RYR3: variants seen among roughly 807,000 people sequenced by gnomAD.
RYR3 encodes brain ryanodine receptor-calcium release channel.
A neutral mutation model predicts 584.3 loss-of-function variants in RYR3; 207 were observed. The observed-to-expected ratio is 0.35, with a 90% CI of 0.32 to 0.40. The LOEUF (loss-of-function observed/expected upper bound fraction) is 0.40, where lower values mean the gene tolerates loss of function less well. RYR3 is among the 10% of genes least tolerant of loss of function. RYR3 has a pLI of 1.00. For missense variants in RYR3, 5,616 were observed against 6,089.2 expected (o/e 0.92, Z 2.59); for synonymous variants, 2,416 against 2,248.5 (o/e 1.07, Z -2.11).
intron 2 of RYR3, among the ~76,000 whole-genome samples, chr15:33,483,730 T>C (rs1436611771): frequency 2.0e-5 from 3 of 152,240 alleles, no homozygotes; most frequent in African/African-American, 7.2e-5. Flanking sequence ...ATATAGCTTA[T>C]GAGTTGGCAA....
At chr15:33,694,314 A>C (rs183531263) in intron 38 of RYR3, among the ~76,000 whole-genome samples, 1 of 150,350 alleles carries the variant, frequency 6.7e-6, no homozygotes, top group African/African-American at 2.5e-5. Flanking sequence ...GTGCAATCTC[A>C]GCTCACTGCA....
Position 33,647,434 on chromosome 15 carries a change from C to G in RYR3, c.3952C>G (p.Gln1318Glu), listed in dbSNP as rs370044621. 1.9e-6 allele frequency: 3 copies of G among 1,607,572 alleles called. No homozygotes were observed. The African/African-American group carries it at 4.0e-5, about 21-fold the overall frequency. Residue 1318 changes from glutamine (Q) to glutamate (E), a missense_variant, in exon 30 of 104, where the codon CAA (glutamine) becomes GAA (glutamate). Physicochemically the swap from Gln to Glu is conservative, Grantham distance 29 (BLOSUM62 2). Transcript: ENST00000634891. ...SEAFQKRKQM[Q>E]EILSHTTTQC... is the part of the protein sequence containing the mutation. ...TTATCTTTCCCCCAGGAAACAGATG[C>G]AAGAAATACTCTCTCATACAACAAC...
intron 67 of RYR3, among the ~76,000 whole-genome samples, chr15:33,799,220 GC>G (rs2075785094): frequency 6.6e-6 from 1 of 152,152 alleles, no homozygotes; most frequent in Non-Finnish European, 1.5e-5. Context: ...TTCATAATAA[GC>G]CCCTTTCAAC....
In RYR3 at chr15:33,478,616, G is replaced by A. The variant is rs189402427; in HGVS notation, c.171+5078G>A. ...ATCAAGTAACCATGGGAACAAAACT[G>A]GAGAGTTAACTGAAGGTCAAATTCT... On this transcript the variant is annotated intron_variant, in intron 2 of 103. Coordinates refer to ENST00000634891, the MANE Select transcript of RYR3 (RefSeq NM_001036.6). 7.2e-5 allele frequency among the ~76,000 whole-genome samples: 11 copies of A among 152,246 alleles called. No individual in the cohort carries two copies. In the East Asian group the frequency reaches 1.3e-3, roughly 19 times the overall value.
rs149790133 is a variant in RYR3 at position 33,493,290 on chromosome 15, A to C, written c.172-10341A>C. Among the ~76,000 whole-genome samples, 174 of 152,216 alleles carry C rather than the reference A, an allele frequency of 1.1e-3. 2 individuals carry two copies. The highest frequency in any genetic ancestry group is 4.0e-3 in the African/African-American group (167 of 41,522). On this transcript the variant is annotated intron_variant, in intron 2 of 103. Transcript: ENST00000634891. The stretch of plus-strand genomic sequence containing the variant: ...GGTTGATTTTTATCTCCCGTTTGAC[A>C]TTCTGCCTTTTCTCTCTCCTGGCCT...
In RYR3 at chr15:33,329,703, C is replaced by A. The variant is rs562779633; in HGVS notation, c.51+18607C>A. Among the ~76,000 whole-genome samples the A allele has an allele frequency of 5.1e-4, 78 of 152,308 alleles. 3 individuals are homozygous for A. The South Asian group carries it at 0.016, about 31-fold the overall frequency. On this transcript the variant is annotated intron_variant, in intron 1 of 103. Coordinates refer to ENST00000634891, the MANE Select transcript of RYR3 (RefSeq NM_001036.6). Reference sequence around the variant, plus strand: ...ACATCAAAATCTTTGGCCATCACAACATTATCTGTTCTTAAAATTTGACAA... The same window carrying A: ...ACATCAAAATCTTTGGCCATCACAAAATTATCTGTTCTTAAAATTTGACAA...
chr15:33,837,209 C>G (rs1395016158), intron 88 of RYR3, among the ~76,000 whole-genome samples: 3 of 152,210 alleles, frequency 2.0e-5, no homozygotes, highest in African/African-American at 7.2e-5. Context: ...CCAGAATGAA[C>G]TGGGGAAAAC....
chr15:33,458,954 T>A lies in RYR3; in HGVS notation c.52-14465T>A, dbSNP rs535396101. Among the ~76,000 whole-genome samples, 6 of 152,348 alleles carry A rather than the reference T, an allele frequency of 3.9e-5. No individual in the cohort carries two copies. In the South Asian group the frequency reaches 1.2e-3, roughly 32 times the overall value. ...TATCCAGAACTCATTTATTTTCCCC[T>A]GTGATGTCATGCCTGTATTAGTATA... On this transcript the variant is annotated intron_variant, in intron 1 of 103. Transcript: ENST00000634891.
chr15:33,647,451 T>A lies in RYR3; in HGVS notation c.3969T>A (p.His1323Gln), dbSNP rs1566866312. Residue 1323 changes from histidine (H) to glutamine (Q), a missense_variant, in exon 30 of 104, where the codon CAT (histidine) becomes CAA (glutamine). Coordinates refer to ENST00000634891, the MANE Select transcript of RYR3 (RefSeq NM_001036.6). The stretch of plus-strand genomic sequence containing the variant: ...AACAGATGCAAGAAATACTCTCTCA[T>A]ACAACAACAGTAAGTAAATGTGCTC... ...KRKQMQEILS[H>Q]TTTQCYYAIR... 6.2e-7 allele frequency: 1 copy of A among 1,605,728 alleles called. No homozygotes were observed. The highest frequency in any genetic ancestry group is 1.7e-5 in the Admixed American group (1 of 59,946).
chr15:33,482,093 A>C (rs552401819), intron 2 of RYR3, among the ~76,000 whole-genome samples: 1 of 152,212 alleles, frequency 6.6e-6, no homozygotes, highest in East Asian at 1.9e-4. Context: ...TTCAACCTGA[A>C]GGATATTCCT....
intron 75 of RYR3, among the ~76,000 whole-genome samples, chr15:33,817,291 C>T (rs1055644870): frequency 3.9e-5 from 6 of 152,180 alleles, no homozygotes; most frequent in Non-Finnish European, 7.4e-5. Context: ...AGCCAAAGCC[C>T]CACGTTCCTA....
intron 16 of RYR3, among the ~76,000 whole-genome samples, chr15:33,591,561 A>G (rs2059130622): frequency 1.3e-5 from 2 of 152,234 alleles, no homozygotes; most frequent in Non-Finnish European, 2.9e-5. Flanking sequence ...TTTGGTAAAA[A>G]GAATAACTGA....
chr15:33,754,633 C>T (rs992630951), intron 57 of RYR3, among the ~76,000 whole-genome samples: 1 of 152,214 alleles, frequency 6.6e-6, no homozygotes, highest in African/African-American at 2.4e-5. Context: ...AAAATATACC[C>T]AGAGGCTGGG....
At chr15:33,484,775 G>GGGA (rs1453097587) in intron 2 of RYR3, among the ~76,000 whole-genome samples, 1 of 152,128 alleles carries the variant, frequency 6.6e-6, no homozygotes, top group Non-Finnish European at 1.5e-5. Context: ...GGAAGACAGA[G>GGGA]GGAGGAGATG....
rs761858981 is a variant in RYR3 at position 33,701,092 on chromosome 15, T to G, written c.6483+12T>G. 8 of 1,591,126 alleles carry G rather than the reference T, an allele frequency of 5.0e-6. No individual in the cohort carries two copies. The Admixed American group carries it at 5.1e-5, about 10-fold the overall frequency. On this transcript the variant is annotated intron_variant, in intron 42 of 103. Coordinates refer to ENST00000634891, the MANE Select transcript of RYR3 (RefSeq NM_001036.6). The stretch of plus-strand genomic sequence containing the variant: ...CAGACCTCGAGAAGGTAACCGGCCC[T>G]TGGGGTGGCAGTGTGGTGTTCTCTT...
chr15:33,834,483 T>C (rs2077910777), intron 86 of RYR3, among the ~76,000 whole-genome samples: 2 of 152,116 alleles, frequency 1.3e-5, no homozygotes, highest in Admixed American at 6.6e-5. Flanking sequence ...TTTCTTTTTT[T>C]TTTTTTTAAC....
intron 3 of RYR3, among the ~76,000 whole-genome samples, chr15:33,518,669 C>G (rs2053727813): frequency 6.6e-6 from 1 of 152,130 alleles, no homozygotes; most frequent in South Asian, 2.1e-4. Context: ...TGTCCGGGTC[C>G]CAGCTTCCAT....
rs183469712 is a variant in RYR3, at chr15:33,839,091, C to T, written c.12978+133C>T. 3.7e-4 allele frequency: 411 copies of T among 1,115,042 alleles called. 1 individual carries two copies. In the African/African-American group the frequency reaches 5.3e-3, roughly 14 times the overall value. The allele number at this position is 1,115,042 out of a possible 1,614,324, so 69.1% of individuals were successfully genotyped here. A position where few individuals can be genotyped will look rare whatever the true frequency, so the allele number is the denominator to read the frequency against. On this transcript the variant is annotated intron_variant, in intron 89 of 103. Transcript: ENST00000634891. ...TTAGACAGTGGCTGTGGTGTGATTACGCTGATCTTATAATTCCACCTCTGA... is the reference window on the plus strand; with the variant it reads ...TTAGACAGTGGCTGTGGTGTGATTATGCTGATCTTATAATTCCACCTCTGA...
intron 42 of RYR3, among the ~76,000 whole-genome samples, chr15:33,702,903 A>G (rs2066410027): frequency 6.6e-6 from 1 of 151,984 alleles, no homozygotes; most frequent in African/African-American, 2.4e-5. Flanking sequence ...ATAAATACAC[A>G]TTTTTTTCTT....
Sources: allele counts gnomAD v4.1 joint callset (sites outside exome capture counted in the v4.1 genomes callset), GRCh38; gene constraint gnomAD v4.1.1; transcripts MANE v1.5; gene names NCBI Gene and HGNC (gene_info 2026-07-23, HGNC 2026-07-21).